The following SHANK2 variants were observed in gnomAD, a reference collection of about 807,000 sequenced individuals.
SHANK2 encodes SH3 and multiple ankyrin repeat domains 2.
In SHANK2, 43 loss-of-function variants were observed where a neutral mutation model predicts 133.7. The ratio of observed to expected loss-of-function variants is 0.32; its 90% CI spans 0.25 to 0.41. The LOEUF is 0.41. SHANK2 is among the 10% of genes least tolerant of loss of function. The pLI is 1.00. For synonymous variants in SHANK2, 1,017 were observed against 952.8 expected, an observed-to-expected ratio of 1.07 and a Z score of -1.24; for missense variants, 1,994 against 2,235.8, an observed-to-expected ratio of 0.89 and a Z score of 2.18.
At chr11:70,833,412 C>G (rs1260617813) in intron 11 of SHANK2, among the ~76,000 whole-genome samples, 1 of 152,216 alleles carries the variant, frequency 6.6e-6, no homozygotes, top group African/African-American at 2.4e-5. Flanking sequence ...TGACCCAGAC[C>G]CTGACCGGTA....
intron 11 of SHANK2, among the ~76,000 whole-genome samples, chr11:70,889,832 C>T (rs1341213495): frequency 6.6e-6 from 1 of 152,088 alleles, no homozygotes; most frequent in Non-Finnish European, 1.5e-5. Context: ...GGGGCGGATG[C>T]CAGCAACATA....
intron 4 of SHANK2, among the ~76,000 whole-genome samples, chr11:71,117,948 C>G (rs1463217373): frequency 7.2e-5 from 11 of 152,128 alleles, no homozygotes; most frequent in Admixed American, 5.2e-4. Context: ...GGGGACTTGA[C>G]GTTTATGGAG....
intron 17 of SHANK2, among the ~76,000 whole-genome samples, chr11:70,620,905 A>G (rs782569042): frequency 1.3e-4 from 20 of 152,206 alleles, no homozygotes; most frequent in Admixed American, 5.9e-4. Flanking sequence ...CTAGTCTCCA[A>G]ATAAATGCTT....
At chr11:70,568,700 G>A (rs972842235) in intron 17 of SHANK2, among the ~76,000 whole-genome samples, 2 of 132,064 alleles carry the variant, frequency 1.5e-5, no homozygotes, top group African/African-American at 2.8e-5. Flanking sequence ...GCAAAGCCAC[G>A]AGTAGCAGGC....
At chr11:70,541,658 G>A (rs782772962) in intron 17 of SHANK2, among the ~76,000 whole-genome samples, 7 of 152,250 alleles carry the variant, frequency 4.6e-5, no homozygotes, top group Admixed American at 1.3e-4. Context: ...GTTTTCAAGC[G>A]GGGGAAACGG....
intron 17 of SHANK2, among the ~76,000 whole-genome samples, chr11:70,538,596 G>A (rs1379423198): frequency 1.3e-5 from 2 of 152,240 alleles, no homozygotes; most frequent in African/African-American, 2.4e-5. Context: ...GCAGGATAAC[G>A]TGGGGCTAAC....
rs189347050 is a variant in SHANK2 at position 70,708,845 on chromosome 11, G to A, written c.1778-10082C>T. Among the ~76,000 whole-genome samples, 90 of 152,290 alleles carry A rather than the reference G, an allele frequency of 5.9e-4. 2 individuals carry two copies. In the Middle Eastern group the frequency reaches 0.01, roughly 17 times the overall value. ...GGAGAGTGGGAAGATGATGCCATGC[G>A]TCCTGAAGAGGGGATTGAAAGGCCT... On this transcript the variant is annotated intron_variant, in intron 14 of 25. Transcript: ENST00000601538.
Position 70,489,180 on chromosome 11 carries a change from C to T in SHANK2, c.2572+148G>A, listed in dbSNP as rs1247248378. 3 of 776,122 alleles carry T rather than the reference C, an allele frequency of 3.9e-6. No homozygotes were observed. The East Asian group carries it at 7.5e-5, about 19-fold the overall frequency. 48.1% of individuals were successfully genotyped at this position (776,122 alleles called of 1,614,324 possible). On this transcript the variant is annotated intron_variant, in intron 24 of 25. Coordinates refer to ENST00000601538, the MANE Select transcript of SHANK2 (RefSeq NM_012309.5). ...GGACATTTTGGCATTGCAAAGATGG[C>T]TCGTTCAAAGTGTTCTCCATTGACC...
intron 11 of SHANK2, among the ~76,000 whole-genome samples, chr11:70,823,470 G>A (rs1948581422): frequency 7.0e-6 from 1 of 143,700 alleles, no homozygotes; most frequent in African/African-American, 2.6e-5. Context: ...AGGTGGCGTT[G>A]GCAGAGTTCA....
intron 12 of SHANK2, among the ~76,000 whole-genome samples, chr11:70,813,258 G>A (rs779280399): frequency 4.6e-5 from 7 of 152,134 alleles, no homozygotes; most frequent in Non-Finnish European, 7.4e-5. Context: ...CCCACAAAAG[G>A]CTACAAGAGG....
chr11:70,835,759 G>A (rs1024593546), intron 11 of SHANK2, among the ~76,000 whole-genome samples: 4 of 152,192 alleles, frequency 2.6e-5, no homozygotes, highest in Non-Finnish European at 5.9e-5. Flanking sequence ...CTGACTCAAG[G>A]CAGGGTTCTG....
chr11:70,509,754 G>A (rs559298045), intron 17 of SHANK2, among the ~76,000 whole-genome samples: 24 of 152,322 alleles, frequency 1.6e-4, no homozygotes, highest in Non-Finnish European at 2.9e-4. Context: ...CGGAGCCTTC[G>A]TGAATGGGAT....
chr11:70,754,879 A>G (rs1184670820), intron 14 of SHANK2, among the ~76,000 whole-genome samples: 3 of 152,160 alleles, frequency 2.0e-5, no homozygotes, highest in Non-Finnish European at 2.9e-5. Context: ...TCAAATATCT[A>G]GATTTAACAC....
chr11:70,491,966 C>A (rs1591496270), intron 22 of SHANK2, among the ~76,000 whole-genome samples: 1 of 152,254 alleles, frequency 6.6e-6, no homozygotes, highest in South Asian at 2.1e-4. Flanking sequence ...CAGACGGCCT[C>A]TTCCACACCG....
intron 14 of SHANK2, among the ~76,000 whole-genome samples, chr11:70,781,890 A>C (rs1179599813): frequency 6.6e-6 from 1 of 151,890 alleles, no homozygotes; most frequent in Non-Finnish European, 1.5e-5. Context: ...AGACTGGGTT[A>C]AGAAAATGTG....
chr11:71,085,223 G>A (rs1951361484), intron 8 of SHANK2, among the ~76,000 whole-genome samples: 1 of 151,856 alleles, frequency 6.6e-6, no homozygotes, highest in Non-Finnish European at 1.5e-5. Flanking sequence ...TTGGGAGGTT[G>A]AGGAGGGCAG....
intron 17 of SHANK2, among the ~76,000 whole-genome samples, chr11:70,659,379 A>T (rs1308451987): frequency 6.6e-6 from 1 of 152,116 alleles, no homozygotes; most frequent in African/African-American, 2.4e-5. Context: ...GCAAATCTAC[A>T]AGCTCTTAGC....
At chr11:70,597,656 T>C (rs1369823716) in intron 17 of SHANK2, among the ~76,000 whole-genome samples, 2 of 152,152 alleles carry the variant, frequency 1.3e-5, no homozygotes, top group Non-Finnish European at 2.9e-5. Flanking sequence ...GTGGATCACC[T>C]GAGGTCAGGA....
rs543336429 is a variant in SHANK2 at position 70,877,126 on chromosome 11, G to A, written c.1174+19375C>T. ...TCTTCAGGACACAGAAAAAGAATACGGATAATTTATAACTAAAGGAGCAAC... is the reference window on the plus strand; with the variant it reads ...TCTTCAGGACACAGAAAAAGAATACAGATAATTTATAACTAAAGGAGCAAC... On this transcript the variant is annotated intron_variant, in intron 11 of 25. Transcript: ENST00000601538. Among the ~76,000 whole-genome samples, 10 of 152,288 alleles carry A rather than the reference G, an allele frequency of 6.6e-5. No individual in the cohort carries two copies. The South Asian group carries it at 8.3e-4, about 13-fold the overall frequency.
Sources: gnomAD v4.1 joint callset for allele counts (sites outside exome capture counted in the v4.1 genomes callset) on GRCh38, gnomAD v4.1.1 for gene constraint, MANE v1.5 for transcripts, NCBI Gene and HGNC (gene_info 2026-07-23, HGNC 2026-07-21) for gene names.